Variants in MIB1 observed in about 807,000 individuals in gnomAD.
MIB1 encodes the protein E3 ubiquitin-protein ligase MIB1.
MIB1 carries 278 observed loss-of-function variants against 124.5 expected under a neutral mutation model. The observed-to-expected ratio is 2.23, with a 90% confidence interval of 2.02 to 2.47. The LOEUF (loss-of-function observed/expected upper bound fraction) is 2.47, where lower values mean the gene tolerates loss of function less well. MIB1 is among the 30% of genes most tolerant of loss of function. MIB1 has a pLI of 0.00. For missense variants in MIB1, 957 were observed against 1,254.4 expected, an observed-to-expected ratio of 0.76 and a Z score of 3.58; for synonymous variants, 446 against 429.4, an observed-to-expected ratio of 1.04 and a Z score of -0.48.
At chr18:21,720,818 G>A (rs537430508) in intron 1 of MIB1, among the ~76,000 whole-genome samples, 1 of 152,254 alleles carries the variant, frequency 6.6e-6, no homozygotes, top group African/African-American at 2.4e-5. Flanking sequence ...AGCCAGGCAT[G>A]GTGGTGTGCA....
At chr18:21,814,305 C>T (rs971761410) in intron 10 of MIB1, among the ~76,000 whole-genome samples, 6 of 150,258 alleles carry the variant, frequency 4.0e-5, no homozygotes, top group Non-Finnish European at 3.0e-5. Flanking sequence ...GTATGCTCAT[C>T]ACTTAACCAG....
intron 17 of MIB1, 21 bp downstream of exon 17, chr18:21,849,409 T>C (rs1011634061): frequency 1.4e-6 from 2 of 1,402,828 alleles, no homozygotes; most frequent in Non-Finnish European, 1.9e-6. Context: ...TTTAATATAG[T>C]ATTTTGTCAT....
chr18:21,716,844 T>A (rs1264819246), intron 1 of MIB1, among the ~76,000 whole-genome samples: 1 of 151,374 alleles, frequency 6.6e-6, no homozygotes, highest in Non-Finnish European at 1.5e-5. Context: ...AGAGTGAGAC[T>A]CTATCTCAAA....
chr18:21,792,255 CCT>C (rs1372194635), intron 7 of MIB1, among the ~76,000 whole-genome samples: 2 of 152,114 alleles, frequency 1.3e-5, no homozygotes, highest in African/African-American at 4.8e-5. Context: ...TCTCATCCAG[CCT>C]CTCAGTTCCT....
At chr18:21,860,301 G>A (rs1432655619) in intron 20 of MIB1, among the ~76,000 whole-genome samples, 1 of 151,204 alleles carries the variant, frequency 6.6e-6, no homozygotes, top group Non-Finnish European at 1.5e-5. Flanking sequence ...GGGATTTGCC[G>A]TGTTTTCCAG....
chr18:21,869,535 A>G lies in MIB1; in HGVS notation c.*4869A>G, dbSNP rs1324731419. 6.6e-6 allele frequency: 1 copy of G among 152,524 alleles called. No individual in the cohort carries two copies. Among genetic ancestry groups the G allele is most frequent in the Non-Finnish European group, 1.5e-5 (1 of 67,918 alleles). 9.4% of individuals were successfully genotyped at this position (152,524 alleles called of 1,614,324 possible). A position where few individuals can be genotyped will look rare whatever the true frequency, so the allele number is the denominator to read the frequency against. ...TTAAAGTCATATTGCTTAGCTTGTT[A>G]ATAATGATTCTGCATGTGTGCTGGG... On this transcript the variant is annotated 3_prime_UTR_variant, in exon 21 of 21. Transcript: ENST00000261537.
chr18:21,806,286 G>A (rs1320442218), intron 10 of MIB1, among the ~76,000 whole-genome samples: 1 of 150,690 alleles, frequency 6.6e-6, no homozygotes, highest in African/African-American at 2.4e-5. Context: ...CTGCAGCCTT[G>A]AATTCCCAGG....
At chr18:21,856,753 T>G (rs914127621) in intron 18 of MIB1, among the ~76,000 whole-genome samples, 9 of 152,154 alleles carry the variant, frequency 5.9e-5, no homozygotes, top group Non-Finnish European at 1.0e-4. Context: ...TAAAGAAAAT[T>G]ATCACGTAAG....
chr18:21,721,458 G>A (rs1179360023), intron 1 of MIB1, among the ~76,000 whole-genome samples: 1 of 151,918 alleles, frequency 6.6e-6, no homozygotes, highest in Admixed American at 6.6e-5. Flanking sequence ...TGGGATTACA[G>A]GCATGAGCCA....
rs753722259 is a variant in MIB1 at position 21,765,760 on chromosome 18, T to G, written c.230-12T>G. 6.2e-7 allele frequency: 1 copy of G among 1,609,274 alleles called. No individual in the cohort carries two copies. Among genetic ancestry groups the G allele is most frequent in the South Asian group, 1.1e-5 (1 of 90,542 alleles). ...TTGTGATTAATCTGAGCATGTGTCC[T>G]TGTTTTAATAGGCATCAAGCATGAT... On this transcript the variant is annotated splice_polypyrimidine_tract_variant and intron_variant, in intron 1 of 20. Coordinates refer to ENST00000261537, the MANE Select transcript of MIB1 (RefSeq NM_020774.4).
At position 21,870,216 on chromosome 18, in the gene MIB1, GT is replaced by G. The variant is rs1385353972; in HGVS notation, c.*5551del. The G allele has an allele frequency of 6.6e-6, 1 of 152,356 alleles. No homozygotes were observed. Among genetic ancestry groups the G allele is most frequent in the Non-Finnish European group, 1.5e-5 (1 of 67,938 alleles). 9.4% of individuals were successfully genotyped at this position (152,356 alleles called of 1,614,324 possible). ...TTTGGAGAATTATTCTTTTATAGTA[GT>G]ATACATGAATTTTGATTTTTAAAGC... is the stretch of plus-strand genomic sequence containing the variant. On this transcript the variant is annotated 3_prime_UTR_variant, in exon 21 of 21. Transcript: ENST00000261537.
At chr18:21,713,608 G>C (rs1281206630) in intron 1 of MIB1, among the ~76,000 whole-genome samples, 1 of 82,546 alleles carries the variant, frequency 1.2e-5, no homozygotes, top group African/African-American at 5.9e-5. Flanking sequence ...GCAAGATTCT[G>C]TCTCAAAAAA....
At chr18:21,819,409 TC>T (rs1191071504) in intron 11 of MIB1, 85 bp from the exon 12 acceptor site, 1 of 788,280 alleles carries the variant, frequency 1.3e-6, no homozygotes, top group Non-Finnish European at 2.0e-6. Flanking sequence ...GGTCTCTGCT[TC>T]TGTTTGCTTA....
intron 7 of MIB1, 97 bp downstream of exon 7, chr18:21,791,654 T>G (rs2041505956): frequency 9.8e-7 from 1 of 1,020,456 alleles, no homozygotes; most frequent in East Asian, 2.7e-5. Context: ...GCATAAAACT[T>G]CTTAGAATTG....
chr18:21,755,547 C>G (rs2041022235), intron 1 of MIB1, among the ~76,000 whole-genome samples: 1 of 152,228 alleles, frequency 6.6e-6, no homozygotes, highest in Non-Finnish European at 1.5e-5. Flanking sequence ...GAGCTCCTAA[C>G]CTCGTGATCC....
At chr18:21,779,947 CTA>C (rs2146426691) in intron 6 of MIB1, among the ~76,000 whole-genome samples, 1 of 151,872 alleles carries the variant, frequency 6.6e-6, no homozygotes, top group African/African-American at 2.4e-5. Flanking sequence ...GTTCTGTACA[CTA>C]TTTTTCCTTC....
Position 21,741,123 on chromosome 18 carries a change from G to A in MIB1, c.-461G>A, listed in dbSNP as rs558845365. ...CCGGCGCTTGGGTGCCCGCCCCCGA[G>A]CGAGGGGCCGGGGTGGCAGAAAGGC... On this transcript the variant is annotated 5_prime_UTR_variant, in exon 1 of 21. Transcript: ENST00000261537. The surrounding 1 kb of genome is among the most constrained non-coding windows in gnomAD (Gnocchi z 5.4). 9.3e-4 allele frequency among the ~76,000 whole-genome samples: 142 copies of A among 152,182 alleles called. No individual in the cohort carries two copies. The highest frequency in any genetic ancestry group is 3.2e-3 in the African/African-American group (135 of 41,568).
At chr18:21,709,630 T>C (rs1264546951) in intron 1 of MIB1, among the ~76,000 whole-genome samples, 1 of 152,184 alleles carries the variant, frequency 6.6e-6, no homozygotes, top group Non-Finnish European at 1.5e-5. Context: ...AAAACAAATA[T>C]CTGGCATTTT....
At chr18:21,849,689 G>A (rs1044856507) in intron 17 of MIB1, among the ~76,000 whole-genome samples, 1 of 152,034 alleles carries the variant, frequency 6.6e-6, no homozygotes, top group Non-Finnish European at 1.5e-5. Context: ...TATATCTAAA[G>A]TATGGTAAAG....
Sources: gnomAD v4.1 joint callset for allele counts (sites outside exome capture counted in the v4.1 genomes callset) on GRCh38, gnomAD v4.1.1 for gene constraint, Gnocchi (gnomAD v3.1) non-coding constraint, MANE v1.5 for transcripts, NCBI Gene and HGNC (gene_info 2026-07-23, HGNC 2026-07-21) for gene names.